The following NRXN1 variants were observed in gnomAD, a reference collection of about 807,000 sequenced individuals.
NRXN1 encodes neurexin-1.
In NRXN1, 39 loss-of-function variants were observed where a neutral mutation model predicts 150.9. The observed-to-expected ratio is 0.26, with a 90% CI of 0.20 to 0.34. The LOEUF is 0.34. Among genes scored for constraint, NRXN1 ranks in the 10% least tolerant of loss-of-function variants. The pLI is 1.00. For missense variants in NRXN1, 1,815 were observed against 1,949.9 expected (o/e 0.93, Z 1.30); for synonymous variants, 924 against 757.0 (o/e 1.22, Z -3.62).
chr2:50,388,982 C>T (rs1029957894), intron 17 of NRXN1, among the ~76,000 whole-genome samples: 7 of 151,984 alleles, frequency 4.6e-5, no homozygotes, highest in African/African-American at 1.4e-4. Flanking sequence ...GCCTGGGCAA[C>T]GTGGTGAAAC....
At chr2:50,119,015 T>C (rs994218406) in intron 18 of NRXN1, among the ~76,000 whole-genome samples, 5 of 152,000 alleles carry the variant, frequency 3.3e-5, no homozygotes, top group African/African-American at 2.4e-5. Flanking sequence ...GAATTGCTGA[T>C]AAAGCTTTAC....
chr2:50,542,615 T>A (rs1477167220), intron 9 of NRXN1, among the ~76,000 whole-genome samples: 1 of 152,186 alleles, frequency 6.6e-6, no homozygotes, highest in Non-Finnish European at 1.5e-5. Flanking sequence ...AAGTAAAGAA[T>A]TTAGTTCAAG....
At chr2:50,281,715 C>T (rs918100187) in intron 17 of NRXN1, among the ~76,000 whole-genome samples, 2 of 152,020 alleles carry the variant, frequency 1.3e-5, no homozygotes, top group African/African-American at 2.4e-5. Context: ...AAGTAAGGAT[C>T]GCAAAAATGA....
chr2:50,857,675 G>T (rs1041272355), intron 5 of NRXN1, among the ~76,000 whole-genome samples: 37 of 152,022 alleles, frequency 2.4e-4, no homozygotes, highest in African/African-American at 8.7e-4. Flanking sequence ...CTAGGTCAAG[G>T]TCTATTTTCT....
At chr2:49,923,736 T>G (rs1407193003) in intron 22 of NRXN1, among the ~76,000 whole-genome samples, 4 of 152,056 alleles carry the variant, frequency 2.6e-5, no homozygotes, top group Non-Finnish European at 5.9e-5. Flanking sequence ...GTGTGTGTGT[T>G]TTTCTGTGAT....
At chr2:50,243,740 G>A (rs2066247876) in intron 17 of NRXN1, among the ~76,000 whole-genome samples, 1 of 151,802 alleles carries the variant, frequency 6.6e-6, no homozygotes, top group African/African-American at 2.4e-5. Flanking sequence ...GATCAGAGGA[G>A]GGTGAACCAG....
At chr2:50,810,063 T>C (rs1229745730) in intron 5 of NRXN1, among the ~76,000 whole-genome samples, 1 of 152,188 alleles carries the variant, frequency 6.6e-6, no homozygotes, top group East Asian at 1.9e-4. Context: ...GAAAGGGATA[T>C]ATACCTCAGA....
chr2:50,854,703 CT>C (rs1675010521), intron 5 of NRXN1, among the ~76,000 whole-genome samples: 2 of 152,076 alleles, frequency 1.3e-5, no homozygotes, highest in Admixed American at 1.3e-4. Flanking sequence ...GCCATTCTTT[CT>C]GACAACGTTA....
intron 5 of NRXN1, among the ~76,000 whole-genome samples, chr2:50,626,492 A>G (rs1472470239): frequency 2.0e-5 from 3 of 152,014 alleles, no homozygotes; most frequent in African/African-American, 4.8e-5. Flanking sequence ...AAAACAATTT[A>G]CACTGTCAAG....
At chr2:49,986,285 A>G (rs963950630) in intron 21 of NRXN1, among the ~76,000 whole-genome samples, 1 of 152,228 alleles carries the variant, frequency 6.6e-6, no homozygotes, top group Non-Finnish European at 1.5e-5. Flanking sequence ...CATATTGTTT[A>G]TGTAGATTAC....
intron 5 of NRXN1, among the ~76,000 whole-genome samples, chr2:50,627,357 A>ATG (rs34870955): frequency 0.12 from 17,404 of 143,396 alleles, 1,140 homozygotes; most frequent in Admixed American, 0.17. Flanking sequence ...TGGTTCATGT[A>ATG]TGTGTGTGTG....
chr2:50,787,857 G>T (rs903350609), intron 5 of NRXN1, among the ~76,000 whole-genome samples: 3 of 151,954 alleles, frequency 2.0e-5, no homozygotes, highest in African/African-American at 7.2e-5. Context: ...GGCTTTTTCA[G>T]TCCATGATTG....
chr2:50,107,194 G>C (rs1231577176), intron 18 of NRXN1, among the ~76,000 whole-genome samples: 1 of 150,252 alleles, frequency 6.7e-6, no homozygotes, highest in Non-Finnish European at 1.5e-5. Flanking sequence ...ATCTATTTCT[G>C]AGCATATCTT....
intron 18 of NRXN1, among the ~76,000 whole-genome samples, chr2:50,174,244 G>C (rs2060214434): frequency 6.6e-6 from 1 of 152,048 alleles, no homozygotes; most frequent in Non-Finnish European, 1.5e-5. Context: ...AAAAGTTCTA[G>C]AACAAGACGA....
At chr2:50,133,511 C>G (rs932508452) in intron 18 of NRXN1, among the ~76,000 whole-genome samples, 2 of 152,156 alleles carry the variant, frequency 1.3e-5, no homozygotes, top group Non-Finnish European at 2.9e-5. Context: ...CAGACAGACT[C>G]TTCTTTAGGT....
At chr2:50,320,739 G>A (rs1046623443) in intron 17 of NRXN1, among the ~76,000 whole-genome samples, 2 of 152,050 alleles carry the variant, frequency 1.3e-5, no homozygotes, top group South Asian at 2.1e-4. Context: ...GGCTATGACC[G>A]TGAGGTATGG....
chr2:50,822,865 C>T (rs1669931756), intron 5 of NRXN1, among the ~76,000 whole-genome samples: 1 of 152,124 alleles, frequency 6.6e-6, no homozygotes, highest in African/African-American at 2.4e-5. Flanking sequence ...CCTAATTAAA[C>T]TGCAAATACT....
At chr2:50,155,538 C>G (rs1477970459) in intron 18 of NRXN1, among the ~76,000 whole-genome samples, 2 of 151,304 alleles carry the variant, frequency 1.3e-5, no homozygotes, top group Admixed American at 6.6e-5. Flanking sequence ...TCTAAGAGTA[C>G]AAATTGTTAT....
chr2:50,793,058 C>G (rs549874748), intron 5 of NRXN1, among the ~76,000 whole-genome samples: 3 of 151,926 alleles, frequency 2.0e-5, no homozygotes, highest in Non-Finnish European at 4.4e-5. Context: ...CATTAGTTAA[C>G]GAGAGACATT....
Sources: gnomAD v4.1 joint callset for allele counts (sites outside exome capture counted in the v4.1 genomes callset) on GRCh38, gnomAD v4.1.1 for gene constraint, MANE v1.5 for transcripts, NCBI Gene and HGNC (gene_info 2026-07-23, HGNC 2026-07-21) for gene names.